SQSTM1: variants seen among roughly 807,000 people sequenced by gnomAD.
SQSTM1 encodes the protein sequestosome 1.
SQSTM1 carries 36 observed loss-of-function variants against 45.1 expected under a neutral mutation model. The observed-to-expected ratio is 0.80, with a 90% CI of 0.61 to 1.05. The LOEUF (loss-of-function observed/expected upper bound fraction) is 1.05, where lower values mean the gene tolerates loss of function less well. SQSTM1 is among the 50% of genes least tolerant of loss of function. The pLI, the probability that SQSTM1 is intolerant of heterozygous loss-of-function variation, is 0.00. For synonymous variants in SQSTM1, 290 were observed against 244.3 expected (o/e 1.19, Z -1.74); for missense variants, 617 against 607.1 (o/e 1.02, Z -0.17).
intron 7 of SQSTM1, among the ~76,000 whole-genome samples, chr5:179,834,366 G>A (rs1369492371): frequency 6.6e-6 from 1 of 152,116 alleles, no homozygotes; most frequent in Non-Finnish European, 1.5e-5. Flanking sequence ...TTAGGGCAGG[G>A]GATGGCGAGC....
chr5:179,812,630 C>T (rs1255286422), intron 2 of SQSTM1: 1 of 152,246 alleles, frequency 6.6e-6, no homozygotes, highest in Non-Finnish European at 1.5e-5. Flanking sequence ...CTCTCATATC[C>T]GGGAAGGGCT....
intron 5 of SQSTM1, among the ~76,000 whole-genome samples, chr5:179,829,913 T>C (rs1383091034): frequency 1.3e-5 from 2 of 152,038 alleles, no homozygotes; most frequent in Non-Finnish European, 2.9e-5. Context: ...CTTGGCAACA[T>C]AGGGAGACAC....
intron 4 of SQSTM1, 141 bp from the exon 5 acceptor site, chr5:179,825,005 G>A (rs1757935447): frequency 1.3e-6 from 1 of 763,194 alleles, no homozygotes; most frequent in Admixed American, 2.0e-5. Context: ...AGGAGAGGGG[G>A]ATGCTGAGTG....
intron 5 of SQSTM1, among the ~76,000 whole-genome samples, chr5:179,828,559 A>G (rs1017125343): frequency 6.6e-6 from 1 of 151,582 alleles, no homozygotes; most frequent in Admixed American, 6.6e-5. Flanking sequence ...TTTTTAGTAG[A>G]GACGAGGTTT....
intron 2 of SQSTM1, chr5:179,813,646 G>A (rs1217323120): frequency 6.6e-6 from 1 of 152,108 alleles, no homozygotes; most frequent in Non-Finnish European, 1.5e-5. Flanking sequence ...TGTACCTGTA[G>A]TCCTAGCTGC....
upstream of SQSTM1, among the ~76,000 whole-genome samples, chr5:179,817,951 G>T (rs1757633011): frequency 7.1e-6 from 1 of 141,844 alleles, no homozygotes; most frequent in South Asian, 2.2e-4. Context: ...GGAGGCAGAG[G>T]TTGCAGTGAG....
intron 1 of SQSTM1, chr5:179,821,402 C>T (rs947717626): frequency 1.2e-5 from 7 of 606,272 alleles, no homozygotes; most frequent in Admixed American, 9.6e-5. Context: ...CGGCCGGGGG[C>T]TCGAGCCTGG....
upstream of SQSTM1, chr5:179,820,894 C>T (rs775932317): frequency 2.8e-6 from 4 of 1,451,502 alleles, no homozygotes; most frequent in Non-Finnish European, 2.7e-6. Flanking sequence ...CGCGCGGCGG[C>T]TGCGACCGGG....
intron 3 of SQSTM1, 42 bp downstream of exon 3, chr5:179,824,129 G>T: frequency 6.2e-7 from 1 of 1,613,620 alleles, no homozygotes; most frequent in Non-Finnish European, 8.5e-7. Context: ...GGCTCAGGGT[G>T]GCAGGAACCT....
At position 179,836,930 on chromosome 5, in the gene SQSTM1, T is replaced by C; in HGVS notation, c.*337T>C. The C allele has an allele frequency of 3.3e-6, 2 of 606,910 alleles. No individual in the cohort carries two copies. The highest frequency in any genetic ancestry group is 5.8e-6 in the Non-Finnish European group (2 of 343,838). 37.6% of individuals were successfully genotyped at this position (606,910 alleles called of 1,614,324 possible). ...GCCTAATGGCTTTCACTTTCTCTTT[T>C]GTTTTAAATGACTCATAGGTCCCTG... On this transcript the variant is annotated 3_prime_UTR_variant, in exon 8 of 8. Coordinates refer to ENST00000389805, the MANE Select transcript of SQSTM1 (RefSeq NM_003900.5).
chr5:179,835,154 C>T (rs1450471376), intron 7 of SQSTM1: 8 of 213,910 alleles, frequency 3.7e-5, no homozygotes, highest in Non-Finnish European at 6.8e-5. Context: ...GCGCTCCCCA[C>T]ATCTCAGACG....
Position 179,833,587 on chromosome 5 carries a change from G to C in SQSTM1, c.970G>C (p.Glu324Gln), listed in dbSNP as rs1436000961. ...IALESEGRPE[E>Q]QMESDNCSGG... Reference sequence around the variant, plus strand: ...GTGCTCATGGTGAGTTTTGTTCCAGGAACAGATGGAGTCGGATAACTGTTC... The same window carrying C: ...GTGCTCATGGTGAGTTTTGTTCCAGCAACAGATGGAGTCGGATAACTGTTC... Residue 324 changes from glutamate to glutamine, a missense_variant and splice_region_variant, in exon 7 of 8, where the codon GAA becomes CAA. Physicochemically the swap from Glu to Gln is conservative, Grantham distance 29. Transcript: ENST00000389805. The C allele has an allele frequency of 1.9e-6, 3 of 1,614,036 alleles. No homozygotes were observed. The African/African-American group carries it at 4.0e-5, about 22-fold the overall frequency.
Position 179,837,130 on chromosome 5 carries a change from G to C in SQSTM1, c.*537G>C. On this transcript the variant is annotated 3_prime_UTR_variant, in exon 8 of 8. Coordinates refer to ENST00000389805, the MANE Select transcript of SQSTM1 (RefSeq NM_003900.5). ...TTGGTTTCACTGAGAGCTGCCTCCT[G>C]GTCTCTTCACCACTGTAGTTCTCTC... The C allele has an allele frequency of 8.2e-7, 1 of 1,212,198 alleles. No homozygotes were observed. The highest frequency in any genetic ancestry group is 1.2e-6 in the Non-Finnish European group (1 of 851,248). The allele number at this position is 1,212,198 out of a possible 1,614,324, so 75.1% of individuals were successfully genotyped here.
upstream of SQSTM1, among the ~76,000 whole-genome samples, chr5:179,817,732 C>T (rs1057129611): frequency 5.9e-5 from 9 of 152,124 alleles, no homozygotes; most frequent in Admixed American, 2.6e-4. Flanking sequence ...GATGCCTGGC[C>T]GGGCGGGTGG....
chr5:179,823,577 C>T (rs552077492), intron 2 of SQSTM1: 79 of 467,314 alleles, frequency 1.7e-4, no homozygotes, highest in Non-Finnish European at 2.8e-4. Context: ...GGGATGGGGT[C>T]TGGTGCCGTG....
Position 179,837,002 on chromosome 5 carries a change from T to A in SQSTM1, c.*409T>A, listed in dbSNP as rs941068037. The A allele has an allele frequency of 3.3e-6, 2 of 614,224 alleles. No homozygotes were observed. The highest frequency in any genetic ancestry group is 5.8e-6 in the Non-Finnish European group (2 of 347,320). 38.0% of individuals were successfully genotyped at this position (614,224 alleles called of 1,614,324 possible). A position where few individuals can be genotyped will look rare whatever the true frequency, so the allele number is the denominator to read the frequency against. On this transcript the variant is annotated 3_prime_UTR_variant, in exon 8 of 8. Transcript: ENST00000389805. ...GCTACAGACCTGGTACACTCTGATT[T>A]TAGATAAAGTAAGCCTAGGTGTTGT... is the stretch of plus-strand genomic sequence containing the variant.
In SQSTM1 at chr5:179,837,718, T is replaced by A. The variant is rs775853768; in HGVS notation, c.*1125T>A. On this transcript the variant is annotated 3_prime_UTR_variant, in exon 8 of 8. Coordinates refer to ENST00000389805, the MANE Select transcript of SQSTM1 (RefSeq NM_003900.5). Reference sequence around the variant, plus strand: ...TGTCCACATGTGAACTTTTTCTAGGTGGCAGGACAAATTGCGCCCATTTAG... The same window carrying A: ...TGTCCACATGTGAACTTTTTCTAGGAGGCAGGACAAATTGCGCCCATTTAG... 5.0e-6 allele frequency: 8 copies of A among 1,614,128 alleles called. No individual in the cohort carries two copies. The African/African-American group carries it at 1.1e-4, about 22-fold the overall frequency.
intron 7 of SQSTM1, among the ~76,000 whole-genome samples, chr5:179,834,860 GCTTT>G (rs1758444194): frequency 6.6e-6 from 1 of 152,028 alleles, no homozygotes; most frequent in Non-Finnish European, 1.5e-5. Context: ...ACCTTTCCCC[GCTTT>G]CTATTCCACA....
At position 179,824,196 on chromosome 5, in the gene SQSTM1, C is replaced by T. The variant is rs759721454; in HGVS notation, c.546C>T (p.Ser182=). The T allele has an allele frequency of 1.2e-6, 2 of 1,613,886 alleles. No individual in the cohort carries two copies. Among genetic ancestry groups the T allele is most frequent in the Admixed American group, 1.7e-5 (1 of 60,036 alleles). Reference sequence around the variant, plus strand: ...TCCTCCCCCAGGGCTTCTCGCACAGCCGCTGGCTCCGGAAGGTGAAACACG... The same window carrying T: ...TCCTCCCCCAGGGCTTCTCGCACAGTCGCTGGCTCCGGAAGGTGAAACACG... The part of the protein sequence containing the change: ...FGHLSEGFSH[S]RWLRKVKHGH... The change falls in exon 4 of 8, where the codon AGC becomes AGT. Residue 182 remains serine (S), a synonymous_variant. Coordinates refer to ENST00000389805, the MANE Select transcript of SQSTM1 (RefSeq NM_003900.5).
Sources: allele counts gnomAD v4.1 joint callset (sites outside exome capture counted in the v4.1 genomes callset), GRCh38; gene constraint gnomAD v4.1.1; transcripts MANE v1.5; gene names NCBI Gene and HGNC (gene_info 2026-07-23, HGNC 2026-07-21).